The following RNF180 variants were observed in gnomAD, a reference collection of about 807,000 sequenced individuals.
The protein encoded by RNF180 is E3 ubiquitin-protein ligase RNF180.
Under a neutral mutation model 59.2 loss-of-function variants are expected in RNF180, and 38 were observed. The ratio of observed to expected loss-of-function variants is 0.64; its 90% CI spans 0.50 to 0.84. The LOEUF is 0.84. RNF180 is among the 40% of genes least tolerant of loss of function. The probability of loss-of-function intolerance (pLI) is 0.00; values close to 1 mark genes in which losing one functional copy is unlikely to be tolerated. For synonymous variants in RNF180, 262 were observed against 240.3 expected, an observed-to-expected ratio of 1.09 and a Z score of -0.84; for missense variants, 705 against 700.9, an observed-to-expected ratio of 1.01 and a Z score of -0.07.
At chr5:64,241,804 C>T (rs1299753863) in intron 5 of RNF180, among the ~76,000 whole-genome samples, 1 of 152,074 alleles carries the variant, frequency 6.6e-6, no homozygotes, top group Non-Finnish European at 1.5e-5. Context: ...CCTCCGCAAA[C>T]CCTAGGCAGC....
At chr5:64,279,095 CTA>C (rs1741872396) in intron 5 of RNF180, among the ~76,000 whole-genome samples, 1 of 152,068 alleles carries the variant, frequency 6.6e-6, no homozygotes, top group Non-Finnish European at 1.5e-5. Flanking sequence ...AGGCTGGGCC[CTA>C]TAACATACCA....
chr5:64,233,692 T>A (rs1479666793), intron 5 of RNF180, among the ~76,000 whole-genome samples: 1 of 152,238 alleles, frequency 6.6e-6, no homozygotes, highest in Non-Finnish European at 1.5e-5. Context: ...GCCATTGTTT[T>A]ATTCCTTTAC....
intron 2 of RNF180, among the ~76,000 whole-genome samples, chr5:64,205,510 C>T (rs914575653): frequency 1.3e-5 from 2 of 152,040 alleles, no homozygotes; most frequent in African/African-American, 4.8e-5. Context: ...TAGGGAGTGG[C>T]GTCCTTAGTT....
chr5:64,213,547 A>G lies in RNF180; in HGVS notation c.232-11A>G. The G allele has an allele frequency of 6.3e-7, 1 of 1,592,810 alleles. No homozygotes were observed. Among genetic ancestry groups the G allele is most frequent in the Non-Finnish European group, 8.6e-7 (1 of 1,168,540 alleles). ...GAAAGCACTGTCTTTATTCTTCTTTATTACCTGTAGGCCCAGTGGACAGTT... is the reference window on the plus strand; with the variant it reads ...GAAAGCACTGTCTTTATTCTTCTTTGTTACCTGTAGGCCCAGTGGACAGTT... On this transcript the variant is annotated splice_polypyrimidine_tract_variant and intron_variant, in intron 3 of 7. Transcript: ENST00000389100.
rs1183796646 is a variant in RNF180, at chr5:64,356,734, GTAAAA to G, written c.1580-12876_1580-12872del. The stretch of plus-strand genomic sequence containing the variant: ...ATGAACCTTGAAGACATTATACTCA[GTAAAA>G]TAAACCAAACACAAAAGGCCAAGAT... On this transcript the variant is annotated intron_variant, in intron 7 of 7. Transcript: ENST00000389100. Among the ~76,000 whole-genome samples, 9 of 151,878 alleles carry G rather than the reference GTAAAA, an allele frequency of 5.9e-5. No individual in the cohort carries two copies. In the East Asian group the frequency reaches 1.8e-3, roughly 30 times the overall value.
At chr5:64,307,829 C>T (rs1331837942) in intron 5 of RNF180, among the ~76,000 whole-genome samples, 1 of 151,696 alleles carries the variant, frequency 6.6e-6, no homozygotes, top group Non-Finnish European at 1.5e-5. Flanking sequence ...AGTATGGTTT[C>T]TGCAGAACAT....
At chr5:64,222,696 T>C (rs190259817) in intron 5 of RNF180, among the ~76,000 whole-genome samples, 1 of 152,286 alleles carries the variant, frequency 6.6e-6, no homozygotes, top group Non-Finnish European at 1.5e-5. Context: ...ATAAATCACA[T>C]TGTAGTTTGG....
intron 5 of RNF180, among the ~76,000 whole-genome samples, chr5:64,280,538 C>A (rs1488071497): frequency 6.6e-6 from 1 of 151,578 alleles, no homozygotes; most frequent in East Asian, 1.9e-4. Flanking sequence ...TCCAGTTGTC[C>A]CAGTATGATT....
At chr5:64,229,626 G>A (rs1195576604) in intron 5 of RNF180, among the ~76,000 whole-genome samples, 1 of 152,186 alleles carries the variant, frequency 6.6e-6, no homozygotes, top group African/African-American at 2.4e-5. Flanking sequence ...TGTCCAGAGG[G>A]AATAAAACAG....
intron 6 of RNF180, among the ~76,000 whole-genome samples, chr5:64,326,044 TA>T (rs994952706): frequency 5.3e-5 from 8 of 152,180 alleles, no homozygotes; most frequent in African/African-American, 1.9e-4. Context: ...TACTAGGTGC[TA>T]AATATTAGGT....
intron 5 of RNF180, among the ~76,000 whole-genome samples, chr5:64,308,438 T>G (rs573013454): frequency 6.6e-6 from 1 of 151,780 alleles, no homozygotes; most frequent in African/African-American, 2.4e-5. Flanking sequence ...CAGGTCACAG[T>G]TTTTGCATTT....
chr5:64,231,016 C>G (rs78215591), intron 5 of RNF180, among the ~76,000 whole-genome samples: 3,827 of 152,208 alleles, frequency 0.025, 185 homozygotes, highest in African/African-American at 0.088. Flanking sequence ...GTTTAGATGG[C>G]AGAGCTGGAT....
chr5:64,363,128 T>G (rs1207866675), intron 7 of RNF180, among the ~76,000 whole-genome samples: 1 of 151,932 alleles, frequency 6.6e-6, no homozygotes, highest in African/African-American at 2.4e-5. Context: ...TTGCTTTTGT[T>G]GCAGAATTGC....
Position 64,208,526 on chromosome 5 carries a change from A to G in RNF180, c.136-3539A>G, listed in dbSNP as rs1361385108. On this transcript the variant is annotated intron_variant, in intron 2 of 7. Coordinates refer to ENST00000389100, the MANE Select transcript of RNF180 (RefSeq NM_001113561.2). ...TTGTGTGATTTTAAAAAATTAACTG[A>G]CTTAAAACTTAATAGTTGATACATC... 2.0e-5 allele frequency among the ~76,000 whole-genome samples: 3 copies of G among 151,786 alleles called. No homozygotes were observed. In the East Asian group the frequency reaches 5.8e-4, roughly 29 times the overall value.
In RNF180 at chr5:64,215,527, T is replaced by A. The variant is rs192262330; in HGVS notation, c.1191+1010T>A. Among the ~76,000 whole-genome samples, 16 of 152,306 alleles carry A rather than the reference T, an allele frequency of 1.1e-4. No individual in the cohort carries two copies. In the East Asian group the frequency reaches 3.1e-3, roughly 29 times the overall value. ...TATAGGTAATTTTTTATTATATTTT[T>A]GGTTGCTAAAACGCATTTCAGTTTG... On this transcript the variant is annotated intron_variant, in intron 4 of 7. Transcript: ENST00000389100.
rs1310422772 is a variant in RNF180, at chr5:64,346,362, T to C, written c.1579+15956T>C. ...ATTCTTCTTTTTTTCTTTTCTTCTT[T>C]TTTTTTTTTTTTTTTTTTTTTTTTC... On this transcript the variant is annotated intron_variant, in intron 7 of 7. Transcript: ENST00000389100. Among the ~76,000 whole-genome samples, 21 of 125,408 alleles carry C rather than the reference T, an allele frequency of 1.7e-4. 1 individual carries two copies. In the East Asian group the frequency reaches 3.4e-3, roughly 20 times the overall value. The allele number at this position is 125,408 out of a possible 152,430, so 82.3% of individuals were successfully genotyped here.
intron 7 of RNF180, among the ~76,000 whole-genome samples, chr5:64,338,401 G>A (rs545618196): frequency 2.1e-3 from 315 of 152,240 alleles, no homozygotes; most frequent in Non-Finnish European, 3.5e-3. Context: ...TTGGGAGGCC[G>A]AGGCAGGCGG....
At chr5:64,343,542 C>T (rs534664622) in intron 7 of RNF180, among the ~76,000 whole-genome samples, 17 of 151,808 alleles carry the variant, frequency 1.1e-4, no homozygotes, top group African/African-American at 3.4e-4. Context: ...AGAAAGAAAA[C>T]CATATCTAGA....
At chr5:64,356,586 G>A (rs1746036715) in intron 7 of RNF180, among the ~76,000 whole-genome samples, 2 of 151,720 alleles carry the variant, frequency 1.3e-5, no homozygotes, top group Admixed American at 6.6e-5. Flanking sequence ...ATAGCCAAAG[G>A]TAGAAACAAC....
Sources: allele counts gnomAD v4.1 joint callset (sites outside exome capture counted in the v4.1 genomes callset), GRCh38; gene constraint gnomAD v4.1.1; transcripts MANE v1.5; gene names NCBI Gene and HGNC (gene_info 2026-07-23, HGNC 2026-07-21).